ATF7IP2: variants seen among roughly 807,000 people sequenced by gnomAD.
The protein encoded by ATF7IP2 is activating transcription factor 7 interacting protein 2.
In ATF7IP2, 42 loss-of-function variants were observed where a neutral mutation model predicts 64.2. That is an observed-to-expected ratio of 0.65 (90% CI 0.51 to 0.85). The LOEUF (loss-of-function observed/expected upper bound fraction) is 0.85, where lower values mean the gene tolerates loss of function less well. Among genes scored for constraint, ATF7IP2 ranks in the 40% least tolerant of loss-of-function variants. The probability of loss-of-function intolerance (pLI) is 0.00; values close to 1 mark genes in which losing one functional copy is unlikely to be tolerated. For synonymous variants in ATF7IP2, 308 were observed against 272.8 expected, an observed-to-expected ratio of 1.13 and a Z score of -1.27; for missense variants, 933 against 784.2, an observed-to-expected ratio of 1.19 and a Z score of -2.27.
At chr16:10,426,070 C>G (rs903998525) in intron 3 of ATF7IP2, among the ~76,000 whole-genome samples, 1 of 151,984 alleles carries the variant, frequency 6.6e-6, no homozygotes, top group African/African-American at 2.4e-5. Flanking sequence ...AGGTCCTTTC[C>G]TCTTTCTATG....
At chr16:10,395,073 A>G (rs2047396592) in intron 1 of ATF7IP2, among the ~76,000 whole-genome samples, 1 of 152,114 alleles carries the variant, frequency 6.6e-6, no homozygotes, top group Non-Finnish European at 1.5e-5. Context: ...ACATTCAGCT[A>G]AACTGAGCAC....
intron 4 of ATF7IP2, among the ~76,000 whole-genome samples, chr16:10,430,249 A>G (rs2048200623): frequency 6.6e-6 from 1 of 152,160 alleles, no homozygotes; most frequent in African/African-American, 2.4e-5. Flanking sequence ...TTTTGTTTTT[A>G]TGAATAAGTG....
intron 1 of ATF7IP2, among the ~76,000 whole-genome samples, chr16:10,414,283 A>G (rs568481308): frequency 6.6e-6 from 1 of 151,994 alleles, no homozygotes; most frequent in South Asian, 2.1e-4. Flanking sequence ...ATATTTTCTT[A>G]TTCTTTTTTC....
intron 2 of ATF7IP2, among the ~76,000 whole-genome samples, chr16:10,416,228 A>G (rs1413527018): frequency 6.6e-6 from 1 of 152,238 alleles, no homozygotes. Context: ...AAATGGATAA[A>G]GAAAATGTGG....
At chr16:10,387,698 A>T (rs2141720114) in intron 1 of ATF7IP2, 1 of 152,316 alleles carries the variant, frequency 6.6e-6, no homozygotes, top group Admixed American at 6.5e-5. Context: ...TCAAAGTTTA[A>T]TATATTGGAT....
rs1399237123 is a variant in ATF7IP2 at position 10,440,460 on chromosome 16, A to C, written c.1192A>C (p.Lys398Gln). 1 of 1,497,262 alleles carries C rather than the reference A, an allele frequency of 6.7e-7. No homozygotes were observed. The allele number at this position is 1,497,262 out of a possible 1,614,324, so 92.7% of individuals were successfully genotyped here. ...PNMLSSNGAS[K>Q]VANSEAMILD... ...CATGTTATCCAGTAATGGAGCCTCT[A>C]AGGTTTGTATAAACACACAGGAATT... is the stretch of plus-strand genomic sequence containing the variant. The change falls in exon 8 of 14, where the codon AAG becomes CAG. Residue 398 changes from lysine to glutamine, a missense_variant and splice_region_variant. Transcript: ENST00000562102.
At chr16:10,452,461 G>T (rs983179304) in intron 8 of ATF7IP2, among the ~76,000 whole-genome samples, 2 of 152,204 alleles carry the variant, frequency 1.3e-5, no homozygotes, top group Admixed American at 6.5e-5. Flanking sequence ...ATTGCTGCCT[G>T]TTCCTTCCTC....
intron 1 of ATF7IP2, among the ~76,000 whole-genome samples, chr16:10,389,536 T>A (rs777768259): frequency 3.2e-4 from 48 of 152,166 alleles, no homozygotes; most frequent in Admixed American, 9.2e-4. Flanking sequence ...TTAAAATGTT[T>A]CCAACCCACC....
At chr16:10,473,890 A>G (rs1384570506) in intron 11 of ATF7IP2, 33 bp from the exon 12 acceptor site, 11 of 985,958 alleles carry the variant, frequency 1.1e-5, no homozygotes, top group Non-Finnish European at 1.5e-5. Context: ...CTATTGAGGC[A>G]AAGCTTTTTT....
At chr16:10,463,857 T>G (rs1469819383) in intron 9 of ATF7IP2, among the ~76,000 whole-genome samples, 1 of 152,248 alleles carries the variant, frequency 6.6e-6, no homozygotes, top group African/African-American at 2.4e-5. Flanking sequence ...CAGTGATTTC[T>G]TATTTTCCCC....
intron 8 of ATF7IP2, among the ~76,000 whole-genome samples, chr16:10,451,682 A>T (rs556470263): frequency 6.6e-6 from 1 of 151,870 alleles, no homozygotes; most frequent in East Asian, 1.9e-4. Context: ...GGTCATTTAT[A>T]TTCTTCTCTA....
At chr16:10,386,814 C>T (rs2047212196) in intron 1 of ATF7IP2, 3 of 151,864 alleles carry the variant, frequency 2.0e-5, no homozygotes, top group African/African-American at 7.3e-5. Context: ...CCAGTTTTCT[C>T]CAAGTTTGGC....
chr16:10,420,083 C>G (rs2047962680), intron 3 of ATF7IP2, among the ~76,000 whole-genome samples: 1 of 152,160 alleles, frequency 6.6e-6, no homozygotes, highest in South Asian at 2.1e-4. Context: ...TTCATTCATT[C>G]CACAATGGGT....
At chr16:10,479,958 C>CTTTTTTTT (rs201158427) in intron 12 of ATF7IP2, among the ~76,000 whole-genome samples, 9 of 80,590 alleles carry the variant, frequency 1.1e-4, no homozygotes, top group Admixed American at 3.3e-4. Context: ...ACTGGAAATA[C>CTTTTTTTT]TTTTTTTTTT....
intron 1 of ATF7IP2, among the ~76,000 whole-genome samples, chr16:10,399,770 C>A (rs554441519): frequency 6.6e-5 from 10 of 152,278 alleles, no homozygotes; most frequent in African/African-American, 2.2e-4. Flanking sequence ...TTGTAGATTG[C>A]TTTGGGCAGT....
intron 1 of ATF7IP2, among the ~76,000 whole-genome samples, chr16:10,402,959 G>A (rs1188268185): frequency 6.6e-6 from 1 of 151,872 alleles, no homozygotes; most frequent in Non-Finnish European, 1.5e-5. Flanking sequence ...GGTCTGACTT[G>A]GAGAATGTTC....
At chr16:10,441,646 C>A (rs2048626778) in intron 8 of ATF7IP2, among the ~76,000 whole-genome samples, 1 of 152,070 alleles carries the variant, frequency 6.6e-6, no homozygotes, top group Non-Finnish European at 1.5e-5. Context: ...GGACATTAGC[C>A]CTTTGTCAAA....
chr16:10,459,913 T>G (rs895132908), intron 9 of ATF7IP2, among the ~76,000 whole-genome samples: 1 of 152,148 alleles, frequency 6.6e-6, no homozygotes, highest in African/African-American at 2.4e-5. Context: ...ACATACTGGA[T>G]GCCTTAGCTA....
intron 2 of ATF7IP2, among the ~76,000 whole-genome samples, chr16:10,414,955 A>G (rs2047842393): frequency 6.6e-6 from 1 of 152,146 alleles, no homozygotes; most frequent in Non-Finnish European, 1.5e-5. Flanking sequence ...AGACTGTAAA[A>G]CACTGATGAA....
Sources: gnomAD v4.1 joint callset for allele counts (sites outside exome capture counted in the v4.1 genomes callset) on GRCh38, gnomAD v4.1.1 for gene constraint, MANE v1.5 for transcripts, NCBI Gene and HGNC (gene_info 2026-07-23, HGNC 2026-07-21) for gene names.